The following KIF4A variants were observed in gnomAD, a reference collection of about 807,000 sequenced individuals.
The protein encoded by KIF4A is kinesin family member 4A.
A neutral mutation model predicts 105.9 loss-of-function variants in KIF4A; 7 were observed. The observed-to-expected ratio is 0.07, with a 90% CI of 0.04 to 0.12. The LOEUF (loss-of-function observed/expected upper bound fraction) is 0.12. Ranked by LOEUF, KIF4A falls within the 10% of genes least tolerant of loss-of-function variation. KIF4A has a pLI of 1.00. For missense variants in KIF4A, 558 were observed against 929.2 expected (o/e 0.60, Z 5.19); for synonymous variants, 281 against 331.3 (o/e 0.85, Z 1.65).
intron 20 of KIF4A, among the ~76,000 whole-genome samples, chrX:70,392,120 GT>G (rs752171670): frequency 8.9e-6 from 1 of 111,937 alleles, no homozygotes; most frequent in Admixed American, 9.5e-5. Context: ...TTGGTGTGTA[GT>G]TTTTTGTAAT....
intron 7 of KIF4A, among the ~76,000 whole-genome samples, chrX:70,303,501 T>G (rs1049704779): frequency 1.9e-4 from 21 of 112,185 alleles, no homozygotes; most frequent in African/African-American, 6.8e-4. Flanking sequence ...ATTTCTGTCA[T>G]TTATCATTAT....
intron 5 of KIF4A, 82 bp from the exon 6 acceptor site, chrX:70,301,818 T>C: frequency 3.7e-6 from 4 of 1,090,499 alleles, no homozygotes; most frequent in Non-Finnish European, 5.0e-6. Context: ...TCAAGGCATT[T>C]TTTTAAACCA....
chrX:70,360,492 A>G (rs772575180), intron 15 of KIF4A, among the ~76,000 whole-genome samples: 2 of 113,111 alleles, frequency 1.8e-5, no homozygotes, highest in East Asian at 5.6e-4. Flanking sequence ...CTGAGGGCTC[A>G]GCCACGTGGG....
At chrX:70,392,334 G>A (rs1244895577) in intron 20 of KIF4A, among the ~76,000 whole-genome samples, 1 of 111,943 alleles carries the variant, frequency 8.9e-6, no homozygotes, top group African/African-American at 3.2e-5. Flanking sequence ...TGGGGAGAGG[G>A]ATGTTAAATA....
intron 22 of KIF4A, among the ~76,000 whole-genome samples, chrX:70,401,468 T>C (rs2086282185): frequency 9.2e-6 from 1 of 108,288 alleles, no homozygotes; most frequent in Non-Finnish European, 1.9e-5. Context: ...TGGCACGATC[T>C]CGGCTCACTG....
chrX:70,418,128 C>A, intron 29 of KIF4A, 124 bp downstream of exon 29: 1 of 494,389 alleles, frequency 2.0e-6, no homozygotes, highest in Non-Finnish European at 3.4e-6. Flanking sequence ...CTTCTCCTTC[C>A]CTCTGCACCC....
At position 70,406,942 on chromosome X, in the gene KIF4A, T is replaced by A; in HGVS notation, c.3122T>A (p.Ile1041Asn). The A allele has an allele frequency of 8.3e-7, 1 of 1,211,710 alleles. No homozygotes were observed. The change falls in exon 28 of 31, where the codon ATC (isoleucine) becomes AAC (asparagine). Residue 1041 changes from isoleucine to asparagine, a missense_variant. Physicochemically the swap from Ile to Asn is moderately radical, Grantham distance 149. This residue lies in a region of KIF4A where 469 missense variants were observed against 680.4 expected (regional missense o/e 0.69). Transcript: ENST00000374403. ...AAGTTCCTGGAGCAAAGCATGGACA[T>A]CGAGGATCTAAAATATTGTTCAGAG... ...KEKFLEQSMD[I>N]EDLKYCSEHS... is the part of the protein sequence containing the mutation.
chrX:70,373,512 A>ATGTG (rs200976753), intron 15 of KIF4A, among the ~76,000 whole-genome samples: 2 of 11,126 alleles, frequency 1.8e-4, no homozygotes, highest in African/African-American at 5.5e-4. Context: ...ATATATATAC[A>ATGTG]TGTGTGTGTA....
chrX:70,361,081 C>T (rs1339275298), intron 15 of KIF4A, among the ~76,000 whole-genome samples: 2 of 112,720 alleles, frequency 1.8e-5, no homozygotes, highest in Non-Finnish European at 3.8e-5. Context: ...GCAGAGGCAG[C>T]CCACGTGGTC....
intron 15 of KIF4A, among the ~76,000 whole-genome samples, chrX:70,367,445 G>C (rs1384323739): frequency 2.7e-5 from 3 of 111,513 alleles, no homozygotes; most frequent in Non-Finnish European, 5.6e-5. Flanking sequence ...GGGCAGGCCT[G>C]GTGGTGACAA....
intron 7 of KIF4A, among the ~76,000 whole-genome samples, chrX:70,304,089 C>G (rs1454948235): frequency 1.6e-5 from 1 of 61,033 alleles, no homozygotes; most frequent in Non-Finnish European, 2.9e-5. Context: ...TCCCTCCCCC[C>G]TCCCCCCACC....
chrX:70,296,083 C>CT (rs386417082), intron 3 of KIF4A, among the ~76,000 whole-genome samples: 1,008 of 65,023 alleles, frequency 0.016, 116 homozygotes, highest in East Asian at 0.076. Context: ...ATAAATGATG[C>CT]TTTTTTTTTT....
At chrX:70,334,707 G>A (rs2085943998) in intron 10 of KIF4A, among the ~76,000 whole-genome samples, 1 of 111,696 alleles carries the variant, frequency 9.0e-6, no homozygotes, top group Admixed American at 9.5e-5. Flanking sequence ...CTAAATCTTA[G>A]TTACTTTTGT....
In KIF4A at chrX:70,420,402, G is replaced by A; in HGVS notation, c.*137G>A. 1.1e-6 allele frequency: 1 copy of A among 903,547 alleles called. No individual in the cohort carries two copies. The allele number at this position is 903,547 out of a possible 1,213,427, so 74.5% of individuals were successfully genotyped here. On this transcript the variant is annotated 3_prime_UTR_variant, in exon 31 of 31. Transcript: ENST00000374403. ...AAAAGGAACAAAGCGTTACTGAAAAGAAGGTAACCTTTGTTGGATGTGGGC... is the reference window on the plus strand; with the variant it reads ...AAAAGGAACAAAGCGTTACTGAAAAAAAGGTAACCTTTGTTGGATGTGGGC...
chrX:70,315,762 T>C (rs1457799049), intron 7 of KIF4A, among the ~76,000 whole-genome samples: 1 of 112,082 alleles, frequency 8.9e-6, no homozygotes, highest in African/African-American at 3.2e-5. Flanking sequence ...TGTGCTTTCT[T>C]AGTCTCAAGG....
intron 15 of KIF4A, among the ~76,000 whole-genome samples, chrX:70,373,765 C>CATATATACGT (rs2086162102): frequency 1.5e-5 from 1 of 65,937 alleles, no homozygotes; most frequent in African/African-American, 6.0e-5. Context: ...TATATATATA[C>CATATATACGT]GTATATATAC....
intron 7 of KIF4A, among the ~76,000 whole-genome samples, chrX:70,311,124 T>TA (rs758864494): frequency 2.7e-4 from 26 of 97,352 alleles, no homozygotes; most frequent in African/African-American, 3.7e-4. Flanking sequence ...GACCCTGTCC[T>TA]AAAAAAAAAA....
chrX:70,409,100 G>A lies in KIF4A; in HGVS notation c.3255+2025G>A, dbSNP rs758013486. 3.6e-5 allele frequency among the ~76,000 whole-genome samples: 4 copies of A among 111,451 alleles called. No homozygotes were observed. In the East Asian group the frequency reaches 1.1e-3, roughly 32 times the overall value. ...GGCTGGTCTCGAACTCCTGACCTCA[G>A]GTGATCTGCCCACCTCGACCTCCCA... On this transcript the variant is annotated intron_variant, in intron 28 of 30. Coordinates refer to ENST00000374403, the MANE Select transcript of KIF4A (RefSeq NM_012310.5).
intron 7 of KIF4A, among the ~76,000 whole-genome samples, chrX:70,310,532 C>T (rs1389613921): frequency 1.8e-5 from 2 of 111,302 alleles, no homozygotes; most frequent in African/African-American, 3.3e-5. Context: ...ATGAATAAAG[C>T]TACCCTGAAC....
Sources: gnomAD v4.1 joint callset for allele counts (sites outside exome capture counted in the v4.1 genomes callset) on GRCh38, gnomAD v4.1.1 for gene constraint, gnomAD v4.1.1 regional missense constraint, MANE v1.5 for transcripts, NCBI Gene and HGNC (gene_info 2026-07-23, HGNC 2026-07-21) for gene names.